The following MYCBP2 variants were observed in gnomAD, a reference collection of about 807,000 sequenced individuals.
The protein encoded by MYCBP2 is E3 ubiquitin-protein ligase MYCBP2.
A neutral mutation model predicts 525.3 loss-of-function variants in MYCBP2; 120 were observed. That is an observed-to-expected ratio of 0.23 (90% CI 0.20 to 0.27). The LOEUF is 0.27. Ranked by LOEUF, MYCBP2 falls within the 10% of genes least tolerant of loss-of-function variation. The probability of loss-of-function intolerance (pLI) is 1.00; values close to 1 mark genes in which losing one functional copy is unlikely to be tolerated. For missense variants in MYCBP2, 4,149 were observed against 5,657.1 expected, an observed-to-expected ratio of 0.73 and a Z score of 8.55; for synonymous variants, 1,894 against 1,955.8, an observed-to-expected ratio of 0.97 and a Z score of 0.83.
At chr13:77,115,309 C>T (rs935639941) in intron 55 of MYCBP2, among the ~76,000 whole-genome samples, 1 of 151,774 alleles carries the variant, frequency 6.6e-6, no homozygotes. Flanking sequence ...CACTTTGGTT[C>T]ACTAAAATTT....
rs1003583571 is a variant in MYCBP2 at position 77,159,601 on chromosome 13, C to T, written c.6598-1492G>A. ...TGACTGAATCATGGGGGCAGACTTCCCCCTTGCTGTTTTCCTTACAATATC... is the reference window on the plus strand; with the variant it reads ...TGACTGAATCATGGGGGCAGACTTCTCCCTTGCTGTTTTCCTTACAATATC... On this transcript the variant is annotated intron_variant, in intron 44 of 82. Transcript: ENST00000544440. Among the ~76,000 whole-genome samples the T allele has an allele frequency of 1.3e-5, 2 of 152,114 alleles. 1 individual carries two copies. Among genetic ancestry groups the T allele is most frequent in the African/African-American group, 4.8e-5 (2 of 41,428 alleles).
intron 1 of MYCBP2, among the ~76,000 whole-genome samples, chr13:77,306,279 C>G (rs1312383876): frequency 6.6e-6 from 1 of 152,132 alleles, no homozygotes; most frequent in Non-Finnish European, 1.5e-5. Flanking sequence ...TGTAATGATA[C>G]TCCTATCATG....
intron 82 of MYCBP2, among the ~76,000 whole-genome samples, chr13:77,050,707 A>G (rs1460114758): frequency 6.6e-6 from 1 of 152,092 alleles, no homozygotes; most frequent in Non-Finnish European, 1.5e-5. Flanking sequence ...ATTGAACTTC[A>G]TATGACTTTT....
Position 77,206,695 on chromosome 13 carries a change from T to C in MYCBP2, c.3547A>G (p.Arg1183Gly), listed in dbSNP as rs777920321. 4.3e-6 allele frequency: 7 copies of C among 1,610,076 alleles called. No individual in the cohort carries two copies. Among genetic ancestry groups the C allele is most frequent in the Non-Finnish European group, 5.9e-6 (7 of 1,177,928 alleles). The change falls in exon 24 of 83, where the codon AGG (arginine) becomes GGG (glycine). Residue 1183 changes from arginine (R) to glycine (G), a missense_variant. Physicochemically the swap from Arg to Gly is moderately radical, Grantham distance 125 (BLOSUM62 -2). This residue lies in a region of MYCBP2 where 620 missense variants were observed against 795.5 expected (regional missense o/e 0.78). Coordinates refer to ENST00000544440, the MANE Select transcript of MYCBP2 (RefSeq NM_015057.5). ...SPELALPTGS[R>G]ALTTRSHAAL... ...GCATGAGATCGGGTAGTGAGGGCCC[T>C]TGATCCTGTTGGTAAGGCAAGTTCA...
chr13:77,045,717 T>TA (rs2035426053), intron 82 of MYCBP2, among the ~76,000 whole-genome samples: 1 of 152,188 alleles, frequency 6.6e-6, no homozygotes, highest in Admixed American at 6.5e-5. Context: ...TGGGGTCCCT[T>TA]ACTCACTATA....
chr13:77,120,104 G>T (rs1220246601), intron 55 of MYCBP2, among the ~76,000 whole-genome samples: 3 of 152,250 alleles, frequency 2.0e-5, no homozygotes, highest in East Asian at 1.9e-4. Context: ...CATACAATTT[G>T]TGTTAAACAA....
At chr13:77,126,695 CTAAT>C (rs2051729131) in intron 52 of MYCBP2, among the ~76,000 whole-genome samples, 153 bp from the exon 53 acceptor site, 1 of 152,082 alleles carries the variant, frequency 6.6e-6, no homozygotes, top group South Asian at 2.1e-4. Flanking sequence ...GTCATTAGCA[CTAAT>C]TAAAGAATCT....
chr13:77,275,140 C>T (rs9544446), intron 4 of MYCBP2, among the ~76,000 whole-genome samples: 4,102 of 152,278 alleles, frequency 0.027, 78 homozygotes, highest in Non-Finnish European at 0.039. Flanking sequence ...AAGAATGTCT[C>T]TACCCTTTCA....
chr13:77,147,963 T>C (rs867137195), intron 47 of MYCBP2, among the ~76,000 whole-genome samples: 3 of 152,102 alleles, frequency 2.0e-5, no homozygotes, highest in South Asian at 2.1e-4. Flanking sequence ...ACTCAGAACA[T>C]GTTTGAAATA....
chr13:77,264,899 A>G (rs2073863141), intron 8 of MYCBP2, among the ~76,000 whole-genome samples: 1 of 152,070 alleles, frequency 6.6e-6, no homozygotes, highest in Non-Finnish European at 1.5e-5. Context: ...ACTTCCCAAA[A>G]TAACTGCAGA....
chr13:77,075,625 A>G (rs1471399741), intron 68 of MYCBP2: 1 of 152,076 alleles, frequency 6.6e-6, no homozygotes, highest in Non-Finnish European at 1.5e-5. Context: ...TTTTTCACAC[A>G]TTTAATAACT....
At chr13:77,286,570 G>A (rs1213937448) in intron 3 of MYCBP2, among the ~76,000 whole-genome samples, 1 of 149,424 alleles carries the variant, frequency 6.7e-6, no homozygotes, top group Non-Finnish European at 1.5e-5. Flanking sequence ...CGGCTAACAC[G>A]GTGAAACCCC....
At chr13:77,285,773 C>A (rs1193410395) in intron 3 of MYCBP2, among the ~76,000 whole-genome samples, 1 of 145,632 alleles carries the variant, frequency 6.9e-6, no homozygotes, top group Non-Finnish European at 1.5e-5. Flanking sequence ...ACAGCAAGAG[C>A]AAAACTCCGT....
chr13:77,073,699 A>G (rs1019725259), intron 68 of MYCBP2, among the ~76,000 whole-genome samples: 16 of 152,174 alleles, frequency 1.1e-4, no homozygotes, highest in African/African-American at 3.9e-4. Flanking sequence ...ACAGGGTAGA[A>G]ATCTAATATA....
intron 13 of MYCBP2, among the ~76,000 whole-genome samples, chr13:77,260,196 C>T (rs977246172): frequency 6.6e-6 from 1 of 152,194 alleles, no homozygotes; most frequent in Admixed American, 6.5e-5. Flanking sequence ...ACAGCTACAG[C>T]GAAGCTTCCC....
intron 18 of MYCBP2, among the ~76,000 whole-genome samples, chr13:77,228,155 A>G (rs1279858097): frequency 6.6e-6 from 1 of 152,130 alleles, no homozygotes; most frequent in Non-Finnish European, 1.5e-5. Flanking sequence ...AAGGCACTTA[A>G]TAAGTGGCCA....
intron 4 of MYCBP2, among the ~76,000 whole-genome samples, chr13:77,277,644 C>G (rs4884062): frequency 0.99 from 151,543 of 152,338 alleles, 75,380 homozygotes; most frequent in Middle Eastern, 1. Flanking sequence ...CAGCAGTGTA[C>G]TCCTCAAACC....
At chr13:77,301,141 G>A (rs756873477) in intron 1 of MYCBP2, among the ~76,000 whole-genome samples, 5 of 151,684 alleles carry the variant, frequency 3.3e-5, no homozygotes, top group African/African-American at 4.9e-5. Context: ...AAGGCTGGGC[G>A]CGGTGGCTCA....
At chr13:77,268,866 A>G (rs934594755) in intron 7 of MYCBP2, among the ~76,000 whole-genome samples, 1 of 152,210 alleles carries the variant, frequency 6.6e-6, no homozygotes, top group African/African-American at 2.4e-5. Context: ...TAATTTCCAT[A>G]GTTTTCAAAA....
Sources: gnomAD v4.1 joint callset for allele counts (sites outside exome capture counted in the v4.1 genomes callset) on GRCh38, gnomAD v4.1.1 for gene constraint, gnomAD v4.1.1 regional missense constraint, MANE v1.5 for transcripts, NCBI Gene and HGNC (gene_info 2026-07-23, HGNC 2026-07-21) for gene names.